The following NEBL variants were observed in gnomAD, a reference collection of about 807,000 sequenced individuals.
NEBL encodes the protein LIM and SH3 protein 2.
NEBL carries 122 observed loss-of-function variants against 140.2 expected under a neutral mutation model. The observed-to-expected ratio is 0.87, with a 90% CI of 0.75 to 1.01. The LOEUF (loss-of-function observed/expected upper bound fraction) is 1.01, where lower values mean the gene tolerates loss of function less well. NEBL is among the 50% of genes least tolerant of loss of function. The pLI is 0.00. For missense variants in NEBL, 1,365 were observed against 1,231.3 expected, an observed-to-expected ratio of 1.11 and a Z score of -1.62; for synonymous variants, 436 against 398.9, an observed-to-expected ratio of 1.09 and a Z score of -1.11.
At chr10:21,254,415 C>A (rs1439774771) in intron 1 of NEBL, among the ~76,000 whole-genome samples, 1 of 152,128 alleles carries the variant, frequency 6.6e-6, no homozygotes, top group Admixed American at 6.5e-5. Flanking sequence ...AGCCACCATA[C>A]CTGGCCCAAT....
At chr10:20,814,318 A>G (rs111480547) in intron 22 of NEBL, among the ~76,000 whole-genome samples, 250 of 152,152 alleles carry the variant, frequency 1.6e-3, no homozygotes, top group African/African-American at 5.9e-3. Context: ...AAACCTGCGC[A>G]AGCCCGAGGA....
intron 26 of NEBL, among the ~76,000 whole-genome samples, chr10:20,801,696 G>A (rs1461111024): frequency 1.3e-5 from 2 of 151,932 alleles, no homozygotes; most frequent in Non-Finnish European, 2.9e-5. Context: ...ATGGAGTTAT[G>A]GGTACCAGTA....
intron 2 of NEBL, among the ~76,000 whole-genome samples, chr10:21,102,945 C>T (rs1837541855): frequency 6.6e-6 from 1 of 151,832 alleles, no homozygotes. Context: ...GGTATTAAGC[C>T]CAGCAGGTAT....
chr10:21,150,435 G>C (rs764194273), intron 2 of NEBL, among the ~76,000 whole-genome samples: 6 of 152,168 alleles, frequency 3.9e-5, no homozygotes, highest in Non-Finnish European at 7.3e-5. Flanking sequence ...AATGATGGCT[G>C]GGAGTCTACC....
chr10:20,815,564 C>T (rs1007379790), intron 22 of NEBL, 61 bp downstream of exon 22: 31 of 1,278,206 alleles, frequency 2.4e-5, no homozygotes, highest in South Asian at 8.3e-5. Flanking sequence ...AAAGGAGGAC[C>T]GCAAGTAAAT....
chr10:21,147,757 C>T (rs1839964937), intron 2 of NEBL, among the ~76,000 whole-genome samples: 2 of 152,214 alleles, frequency 1.3e-5, no homozygotes, highest in South Asian at 2.1e-4. Context: ...ACTCATGTTC[C>T]TCACAGTCTG....
chr10:21,009,634 G>A (rs753059340), intron 3 of NEBL, among the ~76,000 whole-genome samples: 1 of 152,198 alleles, frequency 6.6e-6, no homozygotes, highest in Non-Finnish European at 1.5e-5. Flanking sequence ...TATTTTGGAA[G>A]CCCAAGTATC....
intron 2 of NEBL, among the ~76,000 whole-genome samples, chr10:21,116,563 G>T (rs1838294205): frequency 6.6e-6 from 1 of 152,052 alleles, no homozygotes; most frequent in Non-Finnish European, 1.5e-5. Context: ...AGCAGTCCTT[G>T]TCTAGTAATT....
chr10:20,858,567 C>G (rs1843338927), intron 8 of NEBL, among the ~76,000 whole-genome samples: 1 of 152,068 alleles, frequency 6.6e-6, no homozygotes, highest in Non-Finnish European at 1.5e-5. Context: ...TTGTTGTTCA[C>G]ATATTCAGGA....
At chr10:21,194,561 G>A (rs1841620569) in intron 3 of NEBL, among the ~76,000 whole-genome samples, 2 of 152,092 alleles carry the variant, frequency 1.3e-5, no homozygotes, top group African/African-American at 2.4e-5. Flanking sequence ...TCACTTAAAT[G>A]TTGTTTACTT....
chr10:21,259,356 G>A (rs911134711), intron 1 of NEBL, among the ~76,000 whole-genome samples: 6 of 152,066 alleles, frequency 3.9e-5, no homozygotes, highest in Admixed American at 6.5e-5. Context: ...TGGAGACGGC[G>A]AGGAAGAGAG....
At chr10:20,941,386 C>G (rs902206537) in intron 4 of NEBL, among the ~76,000 whole-genome samples, 3 of 152,162 alleles carry the variant, frequency 2.0e-5, no homozygotes, top group African/African-American at 2.4e-5. Flanking sequence ...ATTCAACAAC[C>G]TTCATGCTAA....
At chr10:21,014,148 G>C (rs1224086098) in intron 3 of NEBL, among the ~76,000 whole-genome samples, 1 of 151,622 alleles carries the variant, frequency 6.6e-6, no homozygotes, top group Non-Finnish European at 1.5e-5. Flanking sequence ...TTTAGATTTA[G>C]GGTCTCACTC....
rs5783764 is a variant in NEBL at position 21,057,542 on chromosome 10, C to CTTTT, written c.165-37345_165-37342dup. On this transcript the variant is annotated intron_variant, in intron 2 of 6. Transcript: ENST00000417816. ...TGATACCTAATAGCCAATGAAATTCCTTTTTTTTTTTTTTTTTTTTTTTTT... is the reference window on the plus strand; with the variant it reads ...TGATACCTAATAGCCAATGAAATTCCTTTTTTTTTTTTTTTTTTTTTTTTTTTTT... 4.1e-3 allele frequency among the ~76,000 whole-genome samples: 294 copies of CTTTT among 71,730 alleles called. 3 individuals are homozygous for CTTTT. Among genetic ancestry groups the CTTTT allele is most frequent in the East Asian group, 9.1e-3 (19 of 2,082 alleles). The allele number at this position is 71,730 out of a possible 152,430, so 47.1% of individuals were successfully genotyped here. A position where few individuals can be genotyped will look rare whatever the true frequency, so the allele number is the denominator to read the frequency against.
At chr10:21,210,694 G>T (rs1841900989) in intron 3 of NEBL, among the ~76,000 whole-genome samples, 1 of 152,154 alleles carries the variant, frequency 6.6e-6, no homozygotes, top group Non-Finnish European at 1.5e-5. Context: ...TATTCCCACT[G>T]GTTCTGGAGT....
chr10:21,046,475 AC>A (rs1229504077), intron 2 of NEBL, among the ~76,000 whole-genome samples: 1 of 152,238 alleles, frequency 6.6e-6, no homozygotes, highest in Non-Finnish European at 1.5e-5. Context: ...AACATACATA[AC>A]TTTTGCTTCT....
At chr10:21,040,475 G>A (rs926759552) in intron 2 of NEBL, among the ~76,000 whole-genome samples, 2 of 152,194 alleles carry the variant, frequency 1.3e-5, no homozygotes, top group Non-Finnish European at 2.9e-5. Context: ...GAGCAGGTAT[G>A]TTACCTGGTG....
chr10:20,786,461 C>T (rs1212467430), intron 27 of NEBL, among the ~76,000 whole-genome samples: 1 of 152,176 alleles, frequency 6.6e-6, no homozygotes. Context: ...AAGATACATA[C>T]TCAATTGTAC....
intron 1 of NEBL, among the ~76,000 whole-genome samples, chr10:21,284,210 CAAAA>C (rs35693200): frequency 5.4e-5 from 2 of 37,188 alleles, no homozygotes; most frequent in Non-Finnish European, 8.9e-5. Flanking sequence ...ACTCCGTCTC[CAAAA>C]AAAAAAAAAA....
Sources: allele counts gnomAD v4.1 joint callset (sites outside exome capture counted in the v4.1 genomes callset), GRCh38; gene constraint gnomAD v4.1.1; transcripts MANE v1.5; gene names NCBI Gene and HGNC (gene_info 2026-07-23, HGNC 2026-07-21).